The following ZNF521 variants were observed in gnomAD, a reference collection of about 807,000 sequenced individuals.
ZNF521 encodes zinc finger protein 521, also known as LYST-interacting protein 3.
ZNF521 carries 14 observed loss-of-function variants against 105.5 expected under a neutral mutation model. That is an observed-to-expected ratio of 0.13 (90% CI 0.09 to 0.21). The LOEUF (loss-of-function observed/expected upper bound fraction) is 0.21. Ranked by LOEUF, ZNF521 falls within the 10% of genes least tolerant of loss-of-function variation. ZNF521 has a pLI of 1.00. For synonymous variants in ZNF521, 635 were observed against 606.0 expected (o/e 1.05, Z -0.70); for missense variants, 1,233 against 1,629.7 (o/e 0.76, Z 4.19).
At chr18:25,215,663 C>T (rs2036267279) in intron 4 of ZNF521, among the ~76,000 whole-genome samples, 1 of 152,214 alleles carries the variant, frequency 6.6e-6, no homozygotes, top group South Asian at 2.1e-4. Context: ...TCTAAAAAGT[C>T]ACTGTAACCA....
rs534794044 is a variant in ZNF521 at position 25,330,902 on chromosome 18, T to TG, written c.41-8716dup. On this transcript the variant is annotated intron_variant, in intron 2 of 7. Transcript: ENST00000361524. ...GGAAAGAGATGACACAAGGGTGAAA[T>TG]GGGTACACAAACTCAAAATCACCTA... Among the ~76,000 whole-genome samples the TG allele has an allele frequency of 3.5e-3, 526 of 152,128 alleles. 3 individuals are homozygous for TG. The highest frequency in any genetic ancestry group is 0.012 in the African/African-American group (484 of 41,510).
At chr18:25,127,148 G>A (rs993935899) in intron 5 of ZNF521, among the ~76,000 whole-genome samples, 1 of 152,018 alleles carries the variant, frequency 6.6e-6, no homozygotes, top group Non-Finnish European at 1.5e-5. Flanking sequence ...TTTGGGGGAA[G>A]TGAAATAATC....
At chr18:25,173,697 G>GA (rs1265542062) in intron 5 of ZNF521, among the ~76,000 whole-genome samples, 1 of 152,020 alleles carries the variant, frequency 6.6e-6, no homozygotes, top group African/African-American at 2.4e-5. Flanking sequence ...AGCAGAATGG[G>GA]AAAAATATAA....
chr18:25,167,106 C>T (rs1362294264), intron 5 of ZNF521, among the ~76,000 whole-genome samples: 1 of 152,122 alleles, frequency 6.6e-6, no homozygotes, highest in Non-Finnish European at 1.5e-5. Flanking sequence ...ACAGGTGAAC[C>T]TAGTTCATCT....
intron 2 of ZNF521, among the ~76,000 whole-genome samples, chr18:25,333,989 A>T (rs185162934): frequency 7.0e-4 from 107 of 152,294 alleles, no homozygotes; most frequent in African/African-American, 2.5e-3. Flanking sequence ...CAGCACGGAG[A>T]AGAAAGACCT....
intron 5 of ZNF521, among the ~76,000 whole-genome samples, chr18:25,105,085 C>A (rs915549532): frequency 5.3e-5 from 8 of 152,148 alleles, no homozygotes; most frequent in Non-Finnish European, 8.8e-5. Flanking sequence ...GATGAAGAGA[C>A]AGACTGGCAT....
chr18:25,275,561 A>G (rs1909975665), intron 3 of ZNF521, among the ~76,000 whole-genome samples: 1 of 152,236 alleles, frequency 6.6e-6, no homozygotes, highest in South Asian at 2.1e-4. Context: ...CAAGAAACAC[A>G]TCATACTTTC....
In ZNF521 at chr18:25,122,005, G is replaced by A. The variant is rs566684820; in HGVS notation, c.3659-29924C>T. Among the ~76,000 whole-genome samples the A allele has an allele frequency of 1.3e-4, 20 of 152,184 alleles. No homozygotes were observed. The South Asian group carries it at 4.1e-3, about 32-fold the overall frequency. On this transcript the variant is annotated intron_variant, in intron 5 of 7. Transcript: ENST00000361524. ...AAATCAATCAATATTAACTGACACA[G>A]AAATGACACATGATAAAATTAGTAG...
chr18:25,201,241 G>A (rs4564666), intron 4 of ZNF521: 77,482 of 151,364 alleles, frequency 0.51, 20,491 homozygotes, highest in African/African-American at 0.66. Context: ...TCACAAAACC[G>A]TGTCTTCCTT....
At chr18:25,138,831 C>T (rs1453380600) in intron 5 of ZNF521, among the ~76,000 whole-genome samples, 1 of 152,056 alleles carries the variant, frequency 6.6e-6, no homozygotes, top group African/African-American at 2.4e-5. Context: ...GGAGCCTGGC[C>T]TTGTGATTCC....
chr18:25,216,333 C>T (rs1400717089), intron 4 of ZNF521, among the ~76,000 whole-genome samples: 3 of 152,034 alleles, frequency 2.0e-5, no homozygotes, highest in Non-Finnish European at 2.9e-5. Context: ...AACTTCAAAC[C>T]TTTTACTGTA....
chr18:25,143,699 A>G (rs1482554211), intron 5 of ZNF521, among the ~76,000 whole-genome samples: 3 of 152,144 alleles, frequency 2.0e-5, no homozygotes, highest in Admixed American at 6.6e-5. Flanking sequence ...TAAAAAAGAA[A>G]CAACGTGTTT....
intron 5 of ZNF521, among the ~76,000 whole-genome samples, chr18:25,137,501 A>G (rs2034758666): frequency 6.6e-6 from 1 of 152,156 alleles, no homozygotes; most frequent in African/African-American, 2.4e-5. Context: ...GTATTACCAC[A>G]TTTAGACCTT....
intron 3 of ZNF521, among the ~76,000 whole-genome samples, chr18:25,289,144 T>C (rs1375408937): frequency 6.6e-6 from 1 of 152,124 alleles, no homozygotes; most frequent in African/African-American, 2.4e-5. Flanking sequence ...AATGACAAAA[T>C]GAATGATGAA....
intron 3 of ZNF521, among the ~76,000 whole-genome samples, chr18:25,240,118 T>G (rs148855027): frequency 6.6e-6 from 1 of 152,290 alleles, no homozygotes; most frequent in African/African-American, 2.4e-5. Flanking sequence ...TCTTCTGCAC[T>G]CCGTTTTGAA....
chr18:25,344,435 C>T (rs76782666), intron 2 of ZNF521, among the ~76,000 whole-genome samples: 30 of 152,110 alleles, frequency 2.0e-4, no homozygotes, highest in Non-Finnish European at 3.1e-4. Context: ...CAGACAAGTA[C>T]GCTTTCACTA....
intron 5 of ZNF521, among the ~76,000 whole-genome samples, chr18:25,131,052 A>T (rs960716985): frequency 1.3e-5 from 2 of 152,114 alleles, no homozygotes; most frequent in African/African-American, 4.8e-5. Context: ...TGGAAAATGA[A>T]TAGTGTAATC....
intron 4 of ZNF521, among the ~76,000 whole-genome samples, chr18:25,213,105 G>A (rs9961531): frequency 0.49 from 72,917 of 149,852 alleles, 18,499 homozygotes; most frequent in African/African-American, 0.65. Flanking sequence ...AGTAATTTTA[G>A]TTATAAAATA....
At chr18:25,256,443 CAT>C (rs931516492) in intron 3 of ZNF521, among the ~76,000 whole-genome samples, 34 of 152,196 alleles carry the variant, frequency 2.2e-4, no homozygotes, top group African/African-American at 7.7e-4. Context: ...AGTTACAAAA[CAT>C]AAGCAAATAT....
Sources: allele counts gnomAD v4.1 joint callset (sites outside exome capture counted in the v4.1 genomes callset), GRCh38; gene constraint gnomAD v4.1.1; transcripts MANE v1.5; gene names NCBI Gene and HGNC (gene_info 2026-07-23, HGNC 2026-07-21).